SCRT2: variants seen among roughly 807,000 people sequenced by gnomAD.
SCRT2 encodes the protein scratch family transcriptional repressor 2, also known as transcriptional repressor scratch 2.
A neutral mutation model predicts 3.7 loss-of-function variants in SCRT2; 2 were observed. The ratio of observed to expected loss-of-function variants is 0.54; its 90% CI spans 0.22 to 1.70. The LOEUF (loss-of-function observed/expected upper bound fraction) is 1.70. Ranked by LOEUF, SCRT2 falls within the 40% of genes most tolerant of loss-of-function variation. SCRT2 has a pLI of 0.19. For synonymous variants in SCRT2, 256 were observed against 220.6 expected (o/e 1.16, Z -1.42); for missense variants, 456 against 468.5 (o/e 0.97, Z 0.25).
rs1276837545 is a variant in SCRT2, at chr20:664,021, C to T, written c.574G>A (p.Gly192Ser). ...GCGGGCATGGACACGTAGGCCTTGC[C>T]GCACGTCGGGCATTTGCGCGCCAGC... ...SQLARKCPTC[G>S]KAYVSMPALA... The change falls in exon 2 of 2, where the codon GGC becomes AGC. Residue 192 changes from glycine (G) to serine (S), a missense_variant. Around this residue, in one of 3 missense-constraint regions of SCRT2, gnomAD observed 306 missense variants for 305.3 expected, o/e 1.00. Coordinates refer to ENST00000246104, the MANE Select transcript of SCRT2 (RefSeq NM_033129.4). The surrounding 1 kb of genome is among the most constrained non-coding windows in gnomAD (Gnocchi z 7.9). 1.2e-6 allele frequency: 2 copies of T among 1,612,004 alleles called. No homozygotes were observed. Among genetic ancestry groups the T allele is most frequent in the Non-Finnish European group, 1.7e-6 (2 of 1,179,618 alleles).
rs887206481 is a variant in SCRT2 at position 666,742 on chromosome 20, C to T, written c.134-2281G>A. Among the ~76,000 whole-genome samples the T allele has an allele frequency of 5.7e-4, 87 of 152,286 alleles. 1 individual carries two copies. The highest frequency in any genetic ancestry group is 3.9e-4 in the East Asian group (2 of 5,176). ...TTGTGGAATGAGTGATGATGATTTG[C>T]GAGGCCAGCCTCACTCCCCAGCCTA... On this transcript the variant is annotated intron_variant, in intron 1 of 1. Transcript: ENST00000246104. The surrounding 1 kb of genome is among the most constrained non-coding windows in gnomAD (Gnocchi z 4.4).
At position 665,502 on chromosome 20, in the gene SCRT2, A is replaced by G. The variant is rs1441165736; in HGVS notation, c.134-1041T>C. 6.6e-6 allele frequency among the ~76,000 whole-genome samples: 1 copy of G among 152,166 alleles called. No homozygotes were observed. Among genetic ancestry groups the G allele is most frequent in the African/African-American group, 2.4e-5 (1 of 41,436 alleles). ...CCTCCCACTTAGCTGGAGTTGGACC[A>G]GGAATCCTGTCTGCCAAGGGTTTGA... On this transcript the variant is annotated intron_variant, in intron 1 of 1. Transcript: ENST00000246104. The surrounding 1 kb of genome is among the most constrained non-coding windows in gnomAD (Gnocchi z 5.0).
Position 664,275 on chromosome 20 carries a change from G to A in SCRT2, c.320C>T (p.Ser107Phe). ...GTCCGAGATGAAGAAGGCGTCCATG[G>A]AGTAGCTGTCGGTCACTGCCGCCTC... Reference protein sequence around the residue: ...RGEAAVTDSYSMDAFFISDGR... With the variant: ...RGEAAVTDSYFMDAFFISDGR... The change falls in exon 2 of 2, where the codon TCC becomes TTC. Residue 107 changes from serine (S) to phenylalanine (F), a missense_variant. Physicochemically the swap from Ser to Phe is radical, Grantham distance 155. Coordinates refer to ENST00000246104, the MANE Select transcript of SCRT2 (RefSeq NM_033129.4). This position sits in a 1 kb window ranked among gnomAD's most constrained non-coding sequence, Gnocchi z 7.9. 1 of 1,463,686 alleles carries A rather than the reference G, an allele frequency of 6.8e-7. No homozygotes were observed. Among genetic ancestry groups the A allele is most frequent in the African/African-American group, 1.4e-5 (1 of 69,600 alleles). The allele number at this position is 1,463,686 out of a possible 1,614,324, so 90.7% of individuals were successfully genotyped here. A position where few individuals can be genotyped will look rare whatever the true frequency, so the allele number is the denominator to read the frequency against.
rs936011802 is a variant in SCRT2, at chr20:663,572, G to A, written c.*99C>T. 4.3e-6 allele frequency: 5 copies of A among 1,170,454 alleles called. No individual in the cohort carries two copies. The highest frequency in any genetic ancestry group is 5.4e-6 in the Non-Finnish European group (5 of 917,838). 72.5% of individuals were successfully genotyped at this position (1,170,454 alleles called of 1,614,324 possible). A position where few individuals can be genotyped will look rare whatever the true frequency, so the allele number is the denominator to read the frequency against. Reference sequence around the variant, plus strand: ...GTCCCCACGAGAGGGTCATGGGCAGGGAAACGCAGCCGGGGCTGGGCGAGG... The same window carrying A: ...GTCCCCACGAGAGGGTCATGGGCAGAGAAACGCAGCCGGGGCTGGGCGAGG... On this transcript the variant is annotated 3_prime_UTR_variant, in exon 2 of 2. Coordinates refer to ENST00000246104, the MANE Select transcript of SCRT2 (RefSeq NM_033129.4). The surrounding 1 kb of genome is among the most constrained non-coding windows in gnomAD (Gnocchi z 6.9).
At position 664,523 on chromosome 20, in the gene SCRT2, G is replaced by A. The variant is rs2122342904; in HGVS notation, c.134-62C>T. 8.7e-7 allele frequency: 1 copy of A among 1,154,610 alleles called. No individual in the cohort carries two copies. Among genetic ancestry groups the A allele is most frequent in the Admixed American group, 4.2e-5 (1 of 23,688 alleles). 71.5% of individuals were successfully genotyped at this position (1,154,610 alleles called of 1,614,324 possible). ...GGCGCCGAAGAGGGTTTCCCGCTTT[G>A]AGCGCGTCACCCTTTGCGCCTTCCA... On this transcript the variant is annotated intron_variant, in intron 1 of 1. Transcript: ENST00000246104. The surrounding 1 kb of genome is among the most constrained non-coding windows in gnomAD (Gnocchi z 7.9).
In SCRT2 at chr20:675,447, GC is replaced by G. The variant is rs1316587799; in HGVS notation, c.133+21del. 4 of 1,282,276 alleles carry G rather than the reference GC, an allele frequency of 3.1e-6. No homozygotes were observed. The highest frequency in any genetic ancestry group is 6.0e-5 in the East Asian group (2 of 33,560). 79.4% of individuals were successfully genotyped at this position (1,282,276 alleles called of 1,614,324 possible). A position where few individuals can be genotyped will look rare whatever the true frequency, so the allele number is the denominator to read the frequency against. On this transcript the variant is annotated intron_variant, in intron 1 of 1. Transcript: ENST00000246104. The surrounding 1 kb of genome is among the most constrained non-coding windows in gnomAD (Gnocchi z 6.9). ...CCCTCGCCTCTTCTCCCAACCCCCCGCCCCCGCCGGGTCCCACTCACCGTTG... is the reference window on the plus strand; with the variant it reads ...CCCTCGCCTCTTCTCCCAACCCCCCGCCCCGCCGGGTCCCACTCACCGTTG...
At position 666,466 on chromosome 20, in the gene SCRT2, G is replaced by T. The variant is rs990034680; in HGVS notation, c.134-2005C>A. On this transcript the variant is annotated intron_variant, in intron 1 of 1. Coordinates refer to ENST00000246104, the MANE Select transcript of SCRT2 (RefSeq NM_033129.4). The surrounding 1 kb of genome is among the most constrained non-coding windows in gnomAD (Gnocchi z 4.4). ...AGCTAATATTCACTGAGCACTTACT[G>T]TGTGCACCAGGCTCTGTGCTAAGTG... is the stretch of plus-strand genomic sequence containing the variant. 6.6e-6 allele frequency among the ~76,000 whole-genome samples: 1 copy of T among 152,150 alleles called. No individual in the cohort carries two copies. Among genetic ancestry groups the T allele is most frequent in the Non-Finnish European group, 1.5e-5 (1 of 68,018 alleles).
intron 1 of SCRT2, among the ~76,000 whole-genome samples, chr20:670,478 C>A (rs558320769): frequency 3.9e-5 from 6 of 152,326 alleles, no homozygotes; most frequent in African/African-American, 1.4e-4. Context: ...CCATCTCTCC[C>A]GGCAGAGGGC....
intron 1 of SCRT2, among the ~76,000 whole-genome samples, chr20:669,200 A>C (rs2122351427): frequency 6.6e-6 from 1 of 152,266 alleles, no homozygotes; most frequent in African/African-American, 2.4e-5. Context: ...GCCTCTTGTA[A>C]GTATTTGTAA....
chr20:670,690 C>G (rs1460029026), intron 1 of SCRT2, among the ~76,000 whole-genome samples: 1 of 152,096 alleles, frequency 6.6e-6, no homozygotes, highest in Non-Finnish European at 1.5e-5. Flanking sequence ...CCAGAGAGTG[C>G]CTTTGGGATG....
At chr20:673,962 C>CT (rs1268185779) in intron 1 of SCRT2, among the ~76,000 whole-genome samples, 1 of 152,214 alleles carries the variant, frequency 6.6e-6, no homozygotes, top group African/African-American at 2.4e-5. Context: ...ACCCTCTGTC[C>CT]TGCCAGCCCT....
At position 663,612 on chromosome 20, in the gene SCRT2, G is replaced by T; in HGVS notation, c.*59C>A. On this transcript the variant is annotated 3_prime_UTR_variant, in exon 2 of 2. Coordinates refer to ENST00000246104, the MANE Select transcript of SCRT2 (RefSeq NM_033129.4). This position sits in a 1 kb window ranked among gnomAD's most constrained non-coding sequence, Gnocchi z 6.9. ...GCTGGGCGAGGGCGCTGCGGGCGCA[G>T]GTAGGGGGCCCGGGGCGCGTGGAGA... 7.7e-7 allele frequency: 1 copy of T among 1,303,860 alleles called. No individual in the cohort carries two copies. The highest frequency in any genetic ancestry group is 9.7e-7 in the Non-Finnish European group (1 of 1,028,304). 80.8% of individuals were successfully genotyped at this position (1,303,860 alleles called of 1,614,324 possible).
In SCRT2 at chr20:663,033, A is replaced by G. The variant is rs6116997; in HGVS notation, c.*638T>C. On this transcript the variant is annotated 3_prime_UTR_variant, in exon 2 of 2. Coordinates refer to ENST00000246104, the MANE Select transcript of SCRT2 (RefSeq NM_033129.4). This position sits in a 1 kb window ranked among gnomAD's most constrained non-coding sequence, Gnocchi z 6.9. ...GGGGTGTGTGTGTGTGTGAATGGCC[A>G]GACCTAAGGCCTGAGCATGGATGGG... 52,828 of 152,400 alleles carry G rather than the reference A, an allele frequency of 0.35. 9,385 individuals carry two copies. The highest frequency in any genetic ancestry group is 0.38 in the African/African-American group (15,892 of 41,380). The allele number at this position is 152,400 out of a possible 1,614,324, so 9.4% of individuals were successfully genotyped here. A position where few individuals can be genotyped will look rare whatever the true frequency, so the allele number is the denominator to read the frequency against.
In SCRT2 at chr20:666,646, A is replaced by C. The variant is rs1984163797; in HGVS notation, c.134-2185T>G. On this transcript the variant is annotated intron_variant, in intron 1 of 1. Coordinates refer to ENST00000246104, the MANE Select transcript of SCRT2 (RefSeq NM_033129.4). This position sits in a 1 kb window ranked among gnomAD's most constrained non-coding sequence, Gnocchi z 4.4. ...TTTCCCACATACTGGGAGGTCCTCCAGGAGGGGGCTGTGGCTGAGCTGTTC... is the reference window on the plus strand; with the variant it reads ...TTTCCCACATACTGGGAGGTCCTCCCGGAGGGGGCTGTGGCTGAGCTGTTC... 6.6e-6 allele frequency among the ~76,000 whole-genome samples: 1 copy of C among 152,196 alleles called. No homozygotes were observed. Among genetic ancestry groups the C allele is most frequent in the South Asian group, 2.1e-4 (1 of 4,828 alleles).
chr20:663,752 G>A lies in SCRT2; in HGVS notation c.843C>T (p.Ser281=). 1.3e-6 allele frequency: 2 copies of A among 1,575,412 alleles called. No individual in the cohort carries two copies. The highest frequency in any genetic ancestry group is 2.3e-5 in the East Asian group (1 of 43,230). ...CCGCCTCGCAGTGCTTGTGGAGGTA[G>A]GACTTGAGCGCGAAGCTCTTGTCGC... The part of the protein sequence containing the change: ...RQCDKSFALK[S]YLHKHCEAAC... Residue 281 remains serine, a synonymous_variant, in exon 2 of 2, where the codon TCC becomes TCT. Coordinates refer to ENST00000246104, the MANE Select transcript of SCRT2 (RefSeq NM_033129.4). This position sits in a 1 kb window ranked among gnomAD's most constrained non-coding sequence, Gnocchi z 6.9.
In SCRT2 at chr20:662,225, G is replaced by A. The variant is rs1056380078; in HGVS notation, c.*1446C>T. ...CGCCCCTCCCGGGGAGCAGGCCAGA[G>A]GCCCCAGCGGGTCCGGGGCTCAGTC... On this transcript the variant is annotated 3_prime_UTR_variant, in exon 2 of 2. Transcript: ENST00000246104. 2.0e-5 allele frequency: 3 copies of A among 152,748 alleles called. No homozygotes were observed. The highest frequency in any genetic ancestry group is 6.5e-5 in the Admixed American group (1 of 15,292). 9.5% of individuals were successfully genotyped at this position (152,748 alleles called of 1,614,324 possible). A position where few individuals can be genotyped will look rare whatever the true frequency, so the allele number is the denominator to read the frequency against.
Position 664,155 on chromosome 20 carries a change from GC to G in SCRT2, c.439del (p.Ala147ArgfsTer24). On this transcript the variant is annotated frameshift_variant, in exon 2 of 2. Transcript: ENST00000246104. LOFTEE classifies it low-confidence loss of function (END_TRUNC). The surrounding 1 kb of genome is among the most constrained non-coding windows in gnomAD (Gnocchi z 7.9). The part of the protein sequence containing the change: ...GAGGRAGRAG[A>X]QAGGGHRHAC... ...GTGCCGGTGCCCGCCGCCCGCCTGC[GC>G]CCCCGCGCGCCCCGCGCGCCCCCCG... The G allele has an allele frequency of 1.7e-6, 2 of 1,158,506 alleles. No homozygotes were observed. The highest frequency in any genetic ancestry group is 2.1e-6 in the Non-Finnish European group (2 of 941,326). The allele number at this position is 1,158,506 out of a possible 1,614,324, so 71.8% of individuals were successfully genotyped here.
chr20:669,221 A>T (rs1271715291), intron 1 of SCRT2, among the ~76,000 whole-genome samples: 3 of 152,238 alleles, frequency 2.0e-5, no homozygotes, highest in Non-Finnish European at 4.4e-5. Context: ...ATCATACTTA[A>T]TAACAGTAAT....
At chr20:674,443 C>G (rs1165012857) in intron 1 of SCRT2, among the ~76,000 whole-genome samples, 1 of 115,052 alleles carries the variant, frequency 8.7e-6, no homozygotes, top group Non-Finnish European at 1.9e-5. Context: ...ACACACACAA[C>G]CCAAAGCTGC....
Sources: gnomAD v4.1 joint callset for allele counts (sites outside exome capture counted in the v4.1 genomes callset) on GRCh38, gnomAD v4.1.1 for gene constraint, gnomAD v4.1.1 regional missense constraint, Gnocchi (gnomAD v3.1) non-coding constraint, MANE v1.5 for transcripts, NCBI Gene and HGNC (gene_info 2026-07-23, HGNC 2026-07-21) for gene names.